LYRM4: variants seen among roughly 807,000 people sequenced by gnomAD.
The protein encoded by LYRM4 is LYR motif-containing protein 4.
A neutral mutation model predicts 11.7 loss-of-function variants in LYRM4; 9 were observed. The observed-to-expected ratio is 0.77, with a 90% CI of 0.46 to 1.34. LYRM4 has a LOEUF of 1.34. Ranked by LOEUF, LYRM4 falls within the 40% of genes most tolerant of loss-of-function variation. The pLI, the probability that LYRM4 is intolerant of heterozygous loss-of-function variation, is 0.00. For synonymous variants in LYRM4, 42 were observed against 40.4 expected (o/e 1.04, Z -0.15); for missense variants, 133 against 112.5 (o/e 1.18, Z -0.82).
At chr6:5,037,611 C>T in the LYRM4 span, among the ~76,000 whole-genome samples, 12 of 78,116 alleles carry the variant, frequency 1.5e-4, no homozygotes, top group South Asian at 1.1e-3. Context: ...CCTCACCTCC[C>T]GGACGGGGCG....
At chr6:5,153,737 G>C (rs1162496260) in intron 2 of LYRM4, among the ~76,000 whole-genome samples, 2 of 152,160 alleles carry the variant, frequency 1.3e-5, no homozygotes, top group East Asian at 3.9e-4. Context: ...CTGTTGTACG[G>C]TGCTCGACAC....
intron 2 of LYRM4, among the ~76,000 whole-genome samples, chr6:5,208,245 G>A (rs1297505001): frequency 6.6e-6 from 1 of 152,180 alleles, no homozygotes; most frequent in Non-Finnish European, 1.5e-5. Context: ...TACAGATGTG[G>A]TAAATTAGGC....
At chr6:5,221,950 A>G (rs1762607208) in intron 1 of LYRM4, among the ~76,000 whole-genome samples, 1 of 152,158 alleles carries the variant, frequency 6.6e-6, no homozygotes, top group South Asian at 2.1e-4. Context: ...TTCTCTCTCG[A>G]AGTTATTTAA....
chr6:5,142,127 T>C (rs1757440704), intron 2 of LYRM4, among the ~76,000 whole-genome samples: 2 of 152,138 alleles, frequency 1.3e-5, no homozygotes, highest in Non-Finnish European at 2.9e-5. Context: ...GTGAAGGGGT[T>C]TGTGTTCTCT....
At chr6:5,062,437 C>T in the LYRM4 span, among the ~76,000 whole-genome samples, 14 of 152,044 alleles carry the variant, frequency 9.2e-5, no homozygotes, top group African/African-American at 3.4e-4. Context: ...GTGCTGAGAG[C>T]CACCATGTCT....
chr6:5,163,461 A>G (rs1341459927), intron 2 of LYRM4, among the ~76,000 whole-genome samples: 1 of 151,082 alleles, frequency 6.6e-6, no homozygotes. Context: ...CCAGAGCTTT[A>G]GAACAGGCTT....
intron 1 of LYRM4, among the ~76,000 whole-genome samples, chr6:5,236,910 T>C (rs553936441): frequency 4.1e-4 from 63 of 152,102 alleles, no homozygotes; most frequent in Non-Finnish European, 6.6e-4. Context: ...TGGGCTGTGA[T>C]TATGCCACTG....
the LYRM4 span, chr6:5,085,243 A>G: frequency 2.2e-6 from 1 of 448,386 alleles, no homozygotes; most frequent in Non-Finnish European, 3.9e-6. Flanking sequence ...TTCAACCGGG[A>G]GGCGGCGTGG....
At chr6:5,050,591 A>G in the LYRM4 span, among the ~76,000 whole-genome samples, 3 of 152,154 alleles carry the variant, frequency 2.0e-5, no homozygotes, top group Admixed American at 1.3e-4. Flanking sequence ...GAACTAGGAC[A>G]TCAACAACAA....
intron 2 of LYRM4, among the ~76,000 whole-genome samples, chr6:5,194,548 G>A (rs1006530073): frequency 6.6e-6 from 1 of 152,142 alleles, no homozygotes; most frequent in Non-Finnish European, 1.5e-5. Context: ...CTACCTCATG[G>A]GCTAGTAGGA....
intron 2 of LYRM4, among the ~76,000 whole-genome samples, chr6:5,143,328 C>A (rs1329686684): frequency 6.6e-6 from 1 of 152,172 alleles, no homozygotes; most frequent in African/African-American, 2.4e-5. Context: ...AGTTTCGCCA[C>A]TGGGGATGGT....
chr6:5,111,394 A>C (rs557571522), intron 2 of LYRM4, among the ~76,000 whole-genome samples: 1 of 152,322 alleles, frequency 6.6e-6, no homozygotes, highest in East Asian at 1.9e-4. Flanking sequence ...AGTACTTGAC[A>C]GAGTTTACCG....
In LYRM4 at chr6:5,144,485, A is replaced by G. The variant is rs189984168; in HGVS notation, c.208-34994T>C. Among the ~76,000 whole-genome samples, 674 of 151,996 alleles carry G rather than the reference A, an allele frequency of 4.4e-3. 3 individuals carry two copies. The highest frequency in any genetic ancestry group is 0.016 in the African/African-American group (644 of 41,458). The stretch of plus-strand genomic sequence containing the variant: ...TCCCCGTCTCTACTAAAAACACAAA[A>G]AATTAGCCGGGCATGGCGGTGGGCG... On this transcript the variant is annotated intron_variant, in intron 2 of 2. Transcript: ENST00000330636.
chr6:5,187,960 C>G (rs1434126498), intron 2 of LYRM4, among the ~76,000 whole-genome samples: 1 of 152,124 alleles, frequency 6.6e-6, no homozygotes, highest in Admixed American at 6.5e-5. Context: ...ACATAAGAAT[C>G]TTTATGTGGG....
chr6:5,149,544 A>T (rs1757972299), intron 2 of LYRM4, among the ~76,000 whole-genome samples: 1 of 149,284 alleles, frequency 6.7e-6, no homozygotes, highest in Admixed American at 6.7e-5. Context: ...TTGCTTCTCC[A>T]GAGAGATATT....
intron 2 of LYRM4, among the ~76,000 whole-genome samples, chr6:5,122,628 C>T (rs1471501729): frequency 5.3e-5 from 8 of 152,168 alleles, no homozygotes; most frequent in East Asian, 1.9e-4. Context: ...CTCCTCTCGC[C>T]GACCCAGTGC....
intron 2 of LYRM4, among the ~76,000 whole-genome samples, chr6:5,197,718 A>G (rs1761149294): frequency 6.6e-6 from 1 of 152,256 alleles, no homozygotes; most frequent in South Asian, 2.1e-4. Context: ...TTTAATATTC[A>G]CAGGGATCTT....
intron 2 of LYRM4, among the ~76,000 whole-genome samples, chr6:5,142,918 A>G (rs1222601077): frequency 6.6e-6 from 1 of 152,166 alleles, no homozygotes; most frequent in East Asian, 1.9e-4. Flanking sequence ...CCTCATGCAG[A>G]TGTCTCCCAG....
intron 2 of LYRM4, among the ~76,000 whole-genome samples, chr6:5,167,316 C>A (rs564590048): frequency 2.6e-5 from 4 of 152,168 alleles, no homozygotes; most frequent in Non-Finnish European, 4.4e-5. Flanking sequence ...AAGATAATCA[C>A]CATTAATAGT....
Sources: allele counts gnomAD v4.1 joint callset (sites outside exome capture counted in the v4.1 genomes callset), GRCh38; gene constraint gnomAD v4.1.1; transcripts MANE v1.5; gene names NCBI Gene and HGNC (gene_info 2026-07-23, HGNC 2026-07-21).